The following KCNH1 variants were observed in gnomAD, a reference collection of about 807,000 sequenced individuals.
The protein encoded by KCNH1 is voltage-gated delayed rectifier potassium channel KCNH1.
Under a neutral mutation model 69.2 loss-of-function variants are expected in KCNH1, and 27 were observed. The observed-to-expected ratio is 0.39, with a 90% CI of 0.29 to 0.54. The LOEUF is 0.54. Among genes scored for constraint, KCNH1 ranks in the 20% least tolerant of loss-of-function variants. KCNH1 has a pLI of 0.68. For synonymous variants in KCNH1, 456 were observed against 487.7 expected (o/e 0.93, Z 0.86); for missense variants, 798 against 1,261.6 (o/e 0.63, Z 5.57).
chr1:210,768,273 C>T (rs936422695), intron 10 of KCNH1, among the ~76,000 whole-genome samples: 1 of 152,158 alleles, frequency 6.6e-6, no homozygotes, highest in African/African-American at 2.4e-5. Context: ...TCAAAGCATG[C>T]TTCTAAGGCC....
intron 10 of KCNH1, among the ~76,000 whole-genome samples, chr1:210,731,862 G>A (rs909004941): frequency 6.6e-6 from 1 of 152,068 alleles, no homozygotes; most frequent in Admixed American, 6.5e-5. Context: ...TCCCAGCTTG[G>A]CAGGGTGCTC....
rs369175433 is a variant in KCNH1, at chr1:211,085,162, G to C, written c.440-2264C>G. 2.0e-5 allele frequency among the ~76,000 whole-genome samples: 3 copies of C among 152,130 alleles called. No individual in the cohort carries two copies. The East Asian group carries it at 5.8e-4, about 29-fold the overall frequency. On this transcript the variant is annotated intron_variant, in intron 4 of 10. Transcript: ENST00000271751. The stretch of plus-strand genomic sequence containing the variant: ...AAAGATATCCCACACAGAAGGAACA[G>C]CACCTACAAAGGCAGAAAATTATAA...
chr1:210,716,451 ATGTT>A (rs1682253189), intron 10 of KCNH1, among the ~76,000 whole-genome samples: 2 of 144,488 alleles, frequency 1.4e-5, no homozygotes, highest in African/African-American at 5.5e-5. Flanking sequence ...AAAAAAAAGC[ATGTT>A]ACACAACCAT....
intron 6 of KCNH1, among the ~76,000 whole-genome samples, chr1:210,960,573 A>G (rs972049768): frequency 2.0e-5 from 3 of 152,230 alleles, no homozygotes; most frequent in African/African-American, 7.2e-5. Flanking sequence ...GAATTCATCT[A>G]CATTGTTGCA....
chr1:210,686,077 G>T (rs1053445200), intron 10 of KCNH1, among the ~76,000 whole-genome samples: 1 of 152,062 alleles, frequency 6.6e-6, no homozygotes, highest in Non-Finnish European at 1.5e-5. Flanking sequence ...GCCTCCTCTG[G>T]TCCCCTCCTT....
chr1:210,791,821 A>C (rs1412807963), intron 9 of KCNH1, among the ~76,000 whole-genome samples: 1 of 152,188 alleles, frequency 6.6e-6, no homozygotes, highest in Non-Finnish European at 1.5e-5. Context: ...GTAATATCCA[A>C]ATAAGGTCAA....
intron 10 of KCNH1, among the ~76,000 whole-genome samples, chr1:210,689,848 CTG>C (rs1426598099): frequency 1.3e-5 from 2 of 152,246 alleles, no homozygotes; most frequent in Non-Finnish European, 2.9e-5. Flanking sequence ...GGGCTAGAAA[CTG>C]GCATTTGCAG....
chr1:210,716,408 G>A (rs991447599), intron 10 of KCNH1, among the ~76,000 whole-genome samples: 1 of 135,426 alleles, frequency 7.4e-6, no homozygotes, highest in Non-Finnish European at 1.5e-5. Flanking sequence ...CTATAGCCTG[G>A]GCGACAGAGC....
intron 10 of KCNH1, among the ~76,000 whole-genome samples, chr1:210,736,279 A>C (rs1682876659): frequency 6.6e-6 from 1 of 152,156 alleles, no homozygotes; most frequent in African/African-American, 2.4e-5. Flanking sequence ...GGTAAAGAGT[A>C]GGCATTTATT....
At chr1:210,728,035 T>C (rs1377778638) in intron 10 of KCNH1, among the ~76,000 whole-genome samples, 2 of 152,228 alleles carry the variant, frequency 1.3e-5, no homozygotes, top group African/African-American at 2.4e-5. Context: ...AATCAATTGA[T>C]ACTTGTTAAA....
chr1:210,734,500 T>G (rs1327488227), intron 10 of KCNH1, among the ~76,000 whole-genome samples: 1 of 152,186 alleles, frequency 6.6e-6, no homozygotes, highest in Non-Finnish European at 1.5e-5. Flanking sequence ...ATCTTACAAT[T>G]AGGTAAAGTT....
At chr1:211,031,597 G>A (rs1301195115) in intron 5 of KCNH1, among the ~76,000 whole-genome samples, 5 of 152,024 alleles carry the variant, frequency 3.3e-5, no homozygotes, top group South Asian at 2.1e-4. Context: ...AATGCAAGGC[G>A]GGTTCAACAT....
rs547854463 is a variant in KCNH1, at chr1:210,884,432, G to A, written c.1462+35208C>T. 9.8e-5 allele frequency among the ~76,000 whole-genome samples: 15 copies of A among 152,298 alleles called. No individual in the cohort carries two copies. The East Asian group carries it at 2.5e-3, about 25-fold the overall frequency. On this transcript the variant is annotated intron_variant, in intron 7 of 10. Transcript: ENST00000271751. Reference sequence around the variant, plus strand: ...AGAATCCCATGAGGTAGGCAGATAAGTTCTTTTCAGCTCTATTTTATAGAG... The same window carrying A: ...AGAATCCCATGAGGTAGGCAGATAAATTCTTTTCAGCTCTATTTTATAGAG...
intron 7 of KCNH1, among the ~76,000 whole-genome samples, chr1:210,882,538 T>C (rs1686518959): frequency 6.6e-6 from 1 of 152,182 alleles, no homozygotes; most frequent in Non-Finnish European, 1.5e-5. Context: ...GGCTTGCAGA[T>C]GCCAGAACAG....
chr1:210,740,846 C>T (rs567197091), intron 10 of KCNH1, among the ~76,000 whole-genome samples: 20 of 151,008 alleles, frequency 1.3e-4, no homozygotes, highest in South Asian at 2.1e-4. Flanking sequence ...GAGGAAAGGA[C>T]GGAGAACATT....
chr1:210,767,011 T>G (rs1275204592), intron 10 of KCNH1, among the ~76,000 whole-genome samples: 1 of 152,220 alleles, frequency 6.6e-6, no homozygotes, highest in African/African-American at 2.4e-5. Flanking sequence ...AAAACCTCCA[T>G]GACTTACTGT....
At chr1:210,766,123 T>G (rs1217958166) in intron 10 of KCNH1, among the ~76,000 whole-genome samples, 1 of 152,006 alleles carries the variant, frequency 6.6e-6, no homozygotes, top group African/African-American at 2.4e-5. Flanking sequence ...ATGCCCAATA[T>G]TGGTTGGTAG....
chr1:211,116,914 C>T (rs1424413017), intron 1 of KCNH1, among the ~76,000 whole-genome samples: 1 of 152,120 alleles, frequency 6.6e-6, no homozygotes, highest in East Asian at 1.9e-4. Context: ...GAGCTGATTC[C>T]GTATTTTGAC....
chr1:210,735,949 T>G (rs1682869796), intron 10 of KCNH1, among the ~76,000 whole-genome samples: 1 of 152,232 alleles, frequency 6.6e-6, no homozygotes, highest in Admixed American at 6.5e-5. Context: ...TATTTTTTCA[T>G]TATAGTGATT....
Sources: allele counts gnomAD v4.1 joint callset (sites outside exome capture counted in the v4.1 genomes callset), GRCh38; gene constraint gnomAD v4.1.1; transcripts MANE v1.5; gene names NCBI Gene and HGNC (gene_info 2026-07-23, HGNC 2026-07-21).